Variants in EIF3A observed in about 807,000 individuals in gnomAD.
EIF3A encodes the protein EIF3, p180 subunit.
In EIF3A, 21 loss-of-function variants were observed where a neutral mutation model predicts 186.6. The ratio of observed to expected loss-of-function variants is 0.11; its 90% CI spans 0.08 to 0.16. The LOEUF (loss-of-function observed/expected upper bound fraction) is 0.16. Ranked by LOEUF, EIF3A falls within the 10% of genes least tolerant of loss-of-function variation. EIF3A has a pLI of 1.00. For missense variants in EIF3A, 1,306 were observed against 1,796.3 expected, an observed-to-expected ratio of 0.73 and a Z score of 4.93; for synonymous variants, 563 against 584.3, an observed-to-expected ratio of 0.96 and a Z score of 0.52.
chr10:119,037,067 C>T lies in EIF3A; in HGVS notation c.3919+52G>A, dbSNP rs571748413. 6 of 819,480 alleles carry T rather than the reference C, an allele frequency of 7.3e-6. No individual in the cohort carries two copies. In the African/African-American group the frequency reaches 8.7e-5, roughly 12 times the overall value. The allele number at this position is 819,480 out of a possible 1,614,324, so 50.8% of individuals were successfully genotyped here. A position where few individuals can be genotyped will look rare whatever the true frequency, so the allele number is the denominator to read the frequency against. ...ATAATTAAATAACCCAAATCCCCCC[C>T]CCCCCAGAAACGACAGTTCTCCAAT... On this transcript the variant is annotated intron_variant, in intron 21 of 21. Coordinates refer to ENST00000369144, the MANE Select transcript of EIF3A (RefSeq NM_003750.4).
At chr10:119,044,164 G>C in intron 17 of EIF3A, 22 bp from the exon 18 acceptor site, 1 of 1,515,900 alleles carries the variant, frequency 6.6e-7, no homozygotes, top group Non-Finnish European at 9.2e-7. Flanking sequence ...AAGTGAAAAA[G>C]AAGCATTACA....
At chr10:119,044,832 C>T (rs1202302867) in intron 17 of EIF3A, among the ~76,000 whole-genome samples, 7 of 151,996 alleles carry the variant, frequency 4.6e-5, no homozygotes, top group Admixed American at 1.3e-4. Context: ...TGCACCAGAG[C>T]GCAAGCCTCT....
At position 119,036,272 on chromosome 10, in the gene EIF3A, A is replaced by C; in HGVS notation, c.3920-4T>G. On this transcript the variant is annotated splice_region_variant and splice_polypyrimidine_tract_variant and intron_variant, in intron 21 of 21. Transcript: ENST00000369144. ...TCAGCACGTCTCCAAGAACTTACTA[A>C]AAAGTTTAATTAAAAAAAAAAAATT... 2 of 1,598,236 alleles carry C rather than the reference A, an allele frequency of 1.3e-6. No homozygotes were observed. Among genetic ancestry groups the C allele is most frequent in the Non-Finnish European group, 1.7e-6 (2 of 1,174,232 alleles).
chr10:119,063,858 C>T (rs558716057), intron 7 of EIF3A, among the ~76,000 whole-genome samples: 19 of 152,264 alleles, frequency 1.2e-4, no homozygotes, highest in Non-Finnish European at 2.2e-4. Context: ...CGAGGGGGAT[C>T]GTTCACTTGA....
Position 119,050,505 on chromosome 10 carries a change from T to C in EIF3A, c.2473+16A>G. On this transcript the variant is annotated intron_variant, in intron 16 of 21. Coordinates refer to ENST00000369144, the MANE Select transcript of EIF3A (RefSeq NM_003750.4). ...CCTTGCATTAGCACCCCTCCAATCC[T>C]GTTTGACCTGTGTACCTTTTAGCAT... The C allele has an allele frequency of 6.2e-7, 1 of 1,612,466 alleles. No homozygotes were observed. Among genetic ancestry groups the C allele is most frequent in the African/African-American group, 1.3e-5 (1 of 74,976 alleles).
In EIF3A at chr10:119,039,613, TGATCTGA is replaced by T. The variant is rs910758887; in HGVS notation, c.3527-1181_3527-1175del. Among the ~76,000 whole-genome samples, 3 of 152,048 alleles carry T rather than the reference TGATCTGA, an allele frequency of 2.0e-5. No individual in the cohort carries two copies. The South Asian group carries it at 6.2e-4, about 32-fold the overall frequency. On this transcript the variant is annotated intron_variant, in intron 19 of 21. Transcript: ENST00000369144. ...TGAGCCCAGGAGGCAGAGGTTGCGG[TGATCTGA>T]GATCACGCCACTGCACTCCAGCCTG...
chr10:119,069,653 T>A lies in EIF3A; in HGVS notation c.743A>T (p.Glu248Val). 6.5e-7 allele frequency: 1 copy of A among 1,532,734 alleles called. No homozygotes were observed. The highest frequency in any genetic ancestry group is 9.0e-7 in the Non-Finnish European group (1 of 1,106,536). The allele number at this position is 1,532,734 out of a possible 1,614,324, so 94.9% of individuals were successfully genotyped here. The change falls in exon 6 of 22, where the codon GAA becomes GTA. Residue 248 changes from glutamate to valine, a missense_variant and splice_region_variant. Glu to Val is a moderately radical substitution (Grantham distance 121). This residue lies in a region of EIF3A where 267 missense variants were observed against 367.8 expected (regional missense o/e 0.73). Transcript: ENST00000369144. ...DSAISMELWQ[E>V]AFKAVEDIHG... is the part of the protein sequence containing the mutation. ...AATATCTTCCACAGCTTTGAATGCT[T>A]CCTAAAATTAGGAGTATAAATTAAA...
At position 119,059,594 on chromosome 10, in the gene EIF3A, A is replaced by G. The variant is rs759959487; in HGVS notation, c.1443+8T>C. Reference sequence around the variant, plus strand: ...GCCTTCTCCTGTCTCCTTACAGCACATACCTACCTGCAAGTCGCAATGCCT... The same window carrying G: ...GCCTTCTCCTGTCTCCTTACAGCACGTACCTACCTGCAAGTCGCAATGCCT... On this transcript the variant is annotated splice_region_variant and intron_variant, in intron 10 of 21. Coordinates refer to ENST00000369144, the MANE Select transcript of EIF3A (RefSeq NM_003750.4). The G allele has an allele frequency of 1.1e-5, 17 of 1,604,694 alleles. No homozygotes were observed. The South Asian group carries it at 1.5e-4, about 15-fold the overall frequency.
chr10:119,042,327 C>T lies in EIF3A; in HGVS notation c.3193G>A (p.Asp1065Asn), dbSNP rs1436171631. The T allele has an allele frequency of 4.3e-6, 7 of 1,613,924 alleles. No homozygotes were observed. The highest frequency in any genetic ancestry group is 5.9e-6 in the Non-Finnish European group (7 of 1,179,950). Reference protein sequence around the residue: ...DERSSWRNADDDRGPRRGLDD... With the variant: ...DERSSWRNADNDRGPRRGLDD... ...AACCCTCGCCTGGGACCCCGGTCAT[C>T]ATCAGCATTACGCCAGGATGATCGC... is the stretch of plus-strand genomic sequence containing the variant. The change falls in exon 19 of 22, where the codon GAT (aspartate) becomes AAT (asparagine). Residue 1065 changes from aspartate (D) to asparagine (N), a missense_variant. Asp to Asn is a conservative substitution (Grantham distance 23). Around this residue, in one of 8 missense-constraint regions of EIF3A, gnomAD observed 410 missense variants for 473.5 expected, o/e 0.87. Transcript: ENST00000369144. The surrounding 1 kb of genome is among the most constrained non-coding windows in gnomAD (Gnocchi z 7.8).
At chr10:119,043,878 C>T (rs569550008) in intron 18 of EIF3A, among the ~76,000 whole-genome samples, 176 bp downstream of exon 18, 40 of 151,920 alleles carry the variant, frequency 2.6e-4, no homozygotes, top group African/African-American at 9.7e-4. Context: ...GCCACTGCAC[C>T]CCAGCCTGGG....
At position 119,036,194 on chromosome 10, in the gene EIF3A, G is replaced by A. The variant is rs758241791; in HGVS notation, c.3994C>T (p.Pro1332Ser). Residue 1332 changes from proline (P) to serine (S), a missense_variant, in exon 22 of 22, where the codon CCC becomes TCC. By Grantham distance (74) the Pro-to-Ser change is moderately conservative. Coordinates refer to ENST00000369144, the MANE Select transcript of EIF3A (RefSeq NM_003750.4). Reference sequence around the variant, plus strand: ...TCTCGGTCTCTTGAAAGAGCTGGGGGAGGAACTCGACGAGGAGGGTCCCGC... The same window carrying A: ...TCTCGGTCTCTTGAAAGAGCTGGGGAAGGAACTCGACGAGGAGGGTCCCGC... ...EERDPPRRVP[P>S]PALSRDRERD... 6.2e-7 allele frequency: 1 copy of A among 1,613,390 alleles called. No individual in the cohort carries two copies. The highest frequency in any genetic ancestry group is 1.3e-5 in the African/African-American group (1 of 74,660).
chr10:119,059,859 A>T, intron 9 of EIF3A, 141 bp from the exon 10 acceptor site: 1 of 684,370 alleles, frequency 1.5e-6, no homozygotes, highest in Admixed American at 2.1e-5. Flanking sequence ...CAGAATGCTA[A>T]TCCCAGACCA....
Position 119,036,114 on chromosome 10 carries a change from A to T in EIF3A, c.4074T>A (p.Ala1358=), listed in dbSNP as rs61729181. The T allele has an allele frequency of 2.0e-3, 3,286 of 1,613,862 alleles. 51 individuals carry two copies. In the African/African-American group the frequency reaches 0.037, roughly 18 times the overall value. The change falls in exon 22 of 22, where the codon GCT becomes GCA. Residue 1358 remains alanine, a synonymous_variant. Coordinates refer to ENST00000369144, the MANE Select transcript of EIF3A (RefSeq NM_003750.4). Reference sequence around the variant, plus strand: ...GACGGAGAGATTCCCTATCTTTCTCAGCTCTCCATGAGGCCTTCTCTTTTT... The same window carrying T: ...GACGGAGAGATTCCCTATCTTTCTCTGCTCTCCATGAGGCCTTCTCTTTTT... ...EGEKEKASWR[A]EKDRESLRRT...
chr10:119,066,665 A>C (rs994781111), intron 6 of EIF3A, among the ~76,000 whole-genome samples: 1 of 152,110 alleles, frequency 6.6e-6, no homozygotes, highest in South Asian at 2.1e-4. Context: ...CTGAAAGACA[A>C]GAAGTCAGGC....
intron 21 of EIF3A, among the ~76,000 whole-genome samples, chr10:119,036,843 CT>C (rs1347252315): frequency 6.6e-6 from 1 of 152,140 alleles, no homozygotes; most frequent in South Asian, 2.1e-4. Flanking sequence ...CAGGAAGCTG[CT>C]TTTAAATAAC....
At chr10:119,059,786 A>C (rs1257916704) in intron 9 of EIF3A, 68 bp from the exon 10 acceptor site, 38 of 987,976 alleles carry the variant, frequency 3.8e-5, no homozygotes, top group Non-Finnish European at 5.6e-5. Context: ...GTGCAATCTC[A>C]TGACAGTCAT....
intron 6 of EIF3A, among the ~76,000 whole-genome samples, chr10:119,068,224 G>C (rs1347359999): frequency 6.6e-6 from 1 of 152,174 alleles, no homozygotes; most frequent in African/African-American, 2.4e-5. Flanking sequence ...TGCTAGAGAA[G>C]TTTCTCTGAA....
In EIF3A at chr10:119,049,949, C is replaced by A. The variant is rs756443319; in HGVS notation, c.2510G>T (p.Arg837Leu). 1 of 1,614,108 alleles carries A rather than the reference C, an allele frequency of 6.2e-7. No individual in the cohort carries two copies. Among genetic ancestry groups the A allele is most frequent in the Non-Finnish European group, 8.5e-7 (1 of 1,180,026 alleles). The change falls in exon 17 of 22, where the codon CGC becomes CTC. Residue 837 changes from arginine (R) to leucine (L), a missense_variant. Coordinates refer to ENST00000369144, the MANE Select transcript of EIF3A (RefSeq NM_003750.4). ...CTGATACTCTCGTAGCTCTTCCTCG[C>A]GTTTTGCTCGTTCGGCGCGCTCTCT... is the stretch of plus-strand genomic sequence containing the variant. ...EERERAERAKREEELREYQER... is the reference protein window; with the variant it reads ...EERERAERAKLEEELREYQER...
chr10:119,057,054 C>G lies in EIF3A; in HGVS notation c.1978-14G>C. ...TTCCTCAAGGTCCTGAAAGGTAATA[C>G]AAATGCACAATTGTTAATAAAGAGA... On this transcript the variant is annotated splice_polypyrimidine_tract_variant and intron_variant, in intron 12 of 21. Coordinates refer to ENST00000369144, the MANE Select transcript of EIF3A (RefSeq NM_003750.4). 1.4e-6 allele frequency: 2 copies of G among 1,476,950 alleles called. No individual in the cohort carries two copies. The highest frequency in any genetic ancestry group is 2.4e-5 in the South Asian group (2 of 84,392). 91.5% of individuals were successfully genotyped at this position (1,476,950 alleles called of 1,614,324 possible).
Sources: gnomAD v4.1 joint callset for allele counts (sites outside exome capture counted in the v4.1 genomes callset) on GRCh38, gnomAD v4.1.1 for gene constraint, gnomAD v4.1.1 regional missense constraint, Gnocchi (gnomAD v3.1) non-coding constraint, MANE v1.5 for transcripts, NCBI Gene and HGNC (gene_info 2026-07-23, HGNC 2026-07-21) for gene names.